Variants in PLD5 observed in about 807,000 individuals in gnomAD.
PLD5 encodes the protein phospholipase D family member 5.
Under a neutral mutation model 61.1 loss-of-function variants are expected in PLD5, and 36 were observed. That is an observed-to-expected ratio of 0.59 (90% CI 0.45 to 0.78). The LOEUF (loss-of-function observed/expected upper bound fraction) is 0.78. PLD5 is among the 30% of genes least tolerant of loss of function. PLD5 has a pLI of 0.00. For synonymous variants in PLD5, 243 were observed against 242.8 expected (o/e 1.00, Z -0.01); for missense variants, 515 against 644.4 (o/e 0.80, Z 2.17).
At chr1:242,169,141 T>G (rs896264423) in intron 5 of PLD5, among the ~76,000 whole-genome samples, 1 of 151,834 alleles carries the variant, frequency 6.6e-6, no homozygotes, top group African/African-American at 2.4e-5. Context: ...AAAAAGGGTA[T>G]GGCTGGAAAG....
intron 1 of PLD5, among the ~76,000 whole-genome samples, chr1:242,455,397 G>A (rs774293323): frequency 3.3e-5 from 5 of 152,162 alleles, no homozygotes; most frequent in East Asian, 1.9e-4. Flanking sequence ...ATAAAGGACC[G>A]TCCCAAGTAA....
chr1:242,252,816 CTTTT>C (rs71176729), intron 4 of PLD5, among the ~76,000 whole-genome samples: 3 of 120,674 alleles, frequency 2.5e-5, no homozygotes, highest in Non-Finnish European at 3.4e-5. Flanking sequence ...TCTTCAGTGC[CTTTT>C]TTTTTTTTTT....
chr1:242,347,769 G>A (rs1316448585), intron 2 of PLD5, among the ~76,000 whole-genome samples: 5 of 152,142 alleles, frequency 3.3e-5, no homozygotes, highest in Non-Finnish European at 7.3e-5. Flanking sequence ...CTAGCACAGC[G>A]TTCTTTGTCC....
chr1:242,377,474 T>C, intron 1 of PLD5: 1 of 697,264 alleles, frequency 1.4e-6, no homozygotes. Flanking sequence ...CTTTAATTCT[T>C]TAATAGTAAA....
intron 2 of PLD5, among the ~76,000 whole-genome samples, chr1:242,339,438 T>G (rs4658478): frequency 1 from 151,718 of 152,354 alleles, 75,545 homozygotes; most frequent in East Asian, 1. Flanking sequence ...GAGGGATGAG[T>G]TTCTTCAGCT....
At chr1:242,374,495 TC>T (rs1661834982) in intron 1 of PLD5, among the ~76,000 whole-genome samples, 1 of 151,838 alleles carries the variant, frequency 6.6e-6, no homozygotes. Flanking sequence ...AATACCATTC[TC>T]CCCCAGGGCT....
intron 5 of PLD5, among the ~76,000 whole-genome samples, chr1:242,157,146 G>T (rs555367117): frequency 7.2e-5 from 11 of 151,854 alleles, no homozygotes; most frequent in Non-Finnish European, 1.6e-4. Flanking sequence ...TGATCAATTC[G>T]GCTATTGATA....
intron 4 of PLD5, among the ~76,000 whole-genome samples, chr1:242,250,510 T>A (rs1268801583): frequency 6.6e-6 from 1 of 151,994 alleles, no homozygotes; most frequent in African/African-American, 2.4e-5. Flanking sequence ...AGTTCCATAT[T>A]ATTTTTTTTA....
chr1:242,420,117 C>T (rs766026946), intron 1 of PLD5, among the ~76,000 whole-genome samples: 2 of 152,182 alleles, frequency 1.3e-5, no homozygotes, highest in Non-Finnish European at 2.9e-5. Context: ...TCCTATGGAG[C>T]ACTTACAATG....
intron 2 of PLD5, among the ~76,000 whole-genome samples, chr1:242,323,655 C>T (rs1202781464): frequency 6.6e-6 from 1 of 152,172 alleles, no homozygotes; most frequent in Non-Finnish European, 1.5e-5. Flanking sequence ...GAACTGCTGC[C>T]CCCATTCAGA....
chr1:242,436,467 C>G (rs1338113996), intron 1 of PLD5, among the ~76,000 whole-genome samples: 1 of 151,880 alleles, frequency 6.6e-6, no homozygotes, highest in Non-Finnish European at 1.5e-5. Context: ...TGTAATTGTT[C>G]TTAGAATTCA....
chr1:242,364,523 C>A (rs1478572363), intron 1 of PLD5, among the ~76,000 whole-genome samples: 2 of 151,982 alleles, frequency 1.3e-5, no homozygotes, highest in African/African-American at 2.4e-5. Context: ...TCGAGACCAG[C>A]CTGGCCAACA....
chr1:242,280,291 G>A (rs1381012669), intron 3 of PLD5, among the ~76,000 whole-genome samples: 1 of 152,136 alleles, frequency 6.6e-6, no homozygotes, highest in Non-Finnish European at 1.5e-5. Context: ...TTCCCCTGTA[G>A]TACATGGATC....
At chr1:242,211,209 G>A (rs146487524) in intron 5 of PLD5, among the ~76,000 whole-genome samples, 10 of 152,262 alleles carry the variant, frequency 6.6e-5, no homozygotes, top group African/African-American at 1.7e-4. Flanking sequence ...AGTCAGGCTC[G>A]TGGGAAAAAT....
chr1:242,316,406 C>T (rs1657984209), intron 2 of PLD5, among the ~76,000 whole-genome samples: 1 of 152,100 alleles, frequency 6.6e-6, no homozygotes, highest in African/African-American at 2.4e-5. Flanking sequence ...TTGCAGGCAC[C>T]TTCATGGCTT....
intron 2 of PLD5, among the ~76,000 whole-genome samples, chr1:242,318,649 T>C (rs1339001689): frequency 6.7e-6 from 1 of 149,484 alleles, no homozygotes; most frequent in Non-Finnish European, 1.5e-5. Flanking sequence ...TTGGGGCTTT[T>C]GATTTTTTAA....
intron 5 of PLD5, among the ~76,000 whole-genome samples, chr1:242,156,489 C>G (rs1031429939): frequency 3.9e-5 from 6 of 152,128 alleles, no homozygotes; most frequent in Non-Finnish European, 7.3e-5. Flanking sequence ...GTGGCTGGTA[C>G]TGGGTGTTCC....
At chr1:242,309,702 C>T (rs1027126663) in intron 2 of PLD5, among the ~76,000 whole-genome samples, 5 of 149,858 alleles carry the variant, frequency 3.3e-5, no homozygotes, top group African/African-American at 1.2e-4. Context: ...AACTTTGTTA[C>T]AGGAAATACT....
In PLD5 at chr1:242,304,883, C is replaced by T. The variant is rs537280578; in HGVS notation, c.327-16353G>A. Among the ~76,000 whole-genome samples, 108 of 152,138 alleles carry T rather than the reference C, an allele frequency of 7.1e-4. 1 individual carries two copies. The highest frequency in any genetic ancestry group is 2.3e-3 in the African/African-American group (96 of 41,478). On this transcript the variant is annotated intron_variant, in intron 2 of 9. Transcript: ENST00000536534. ...TGTTGGGAGGCAGAAGTGGGCAGAT[C>T]GCTTGTGCCCAGCAGTTCAAGACCA...
Sources: allele counts gnomAD v4.1 joint callset (sites outside exome capture counted in the v4.1 genomes callset), GRCh38; gene constraint gnomAD v4.1.1; transcripts MANE v1.5; gene names NCBI Gene and HGNC (gene_info 2026-07-23, HGNC 2026-07-21).